Variants in GGNBP2 observed in about 807,000 individuals in gnomAD.
GGNBP2 encodes gametogenetin-binding protein 2.
In GGNBP2, 10 loss-of-function variants were observed where a neutral mutation model predicts 85.9. The ratio of observed to expected loss-of-function variants is 0.12; its 90% CI spans 0.07 to 0.20. The LOEUF is 0.20. Among genes scored for constraint, GGNBP2 ranks in the 10% least tolerant of loss-of-function variants. The pLI is 1.00. For missense variants in GGNBP2, 595 were observed against 857.8 expected, an observed-to-expected ratio of 0.69 and a Z score of 3.83; for synonymous variants, 287 against 285.7, an observed-to-expected ratio of 1.00 and a Z score of -0.05.
chr17:36,551,611 C>A (rs904366682), intron 2 of GGNBP2, among the ~76,000 whole-genome samples: 1 of 151,570 alleles, frequency 6.6e-6, no homozygotes, highest in Non-Finnish European at 1.5e-5. Flanking sequence ...TTGGAGGCCT[C>A]GGAGAGTGGA....
chr17:36,574,010 T>C (rs1472283458), intron 6 of GGNBP2, among the ~76,000 whole-genome samples: 1 of 150,706 alleles, frequency 6.6e-6, no homozygotes, highest in African/African-American at 2.4e-5. Flanking sequence ...ATATTCTGGC[T>C]ATTAACCCCT....
intron 10 of GGNBP2, 184 bp downstream of exon 10, chr17:36,585,634 G>T: frequency 3.3e-6 from 2 of 611,912 alleles, no homozygotes; most frequent in Non-Finnish European, 5.3e-6. Flanking sequence ...ACTTATTTTT[G>T]ACAAAAACGA....
At chr17:36,549,809 ACAT>A (rs1459391429) in intron 2 of GGNBP2, among the ~76,000 whole-genome samples, 1 of 152,212 alleles carries the variant, frequency 6.6e-6, no homozygotes, top group African/African-American at 2.4e-5. Flanking sequence ...AACTGTAAGA[ACAT>A]AAATAATGCA....
chr17:36,549,262 G>T (rs1452813699), intron 2 of GGNBP2, among the ~76,000 whole-genome samples: 2 of 152,108 alleles, frequency 1.3e-5, no homozygotes, highest in Non-Finnish European at 2.9e-5. Context: ...GAGTACAGTG[G>T]CCTGATCTTG....
At chr17:36,545,128 C>T (rs1267482581) in intron 1 of GGNBP2, 31 bp downstream of exon 1, 1 of 153,002 alleles carries the variant, frequency 6.5e-6, no homozygotes, top group African/African-American at 2.4e-5. Flanking sequence ...TCCCCGTTCC[C>T]TGGACTCCGC....
At chr17:36,570,414 T>C (rs1422608839) in intron 6 of GGNBP2, among the ~76,000 whole-genome samples, 3 of 151,636 alleles carry the variant, frequency 2.0e-5, no homozygotes, top group African/African-American at 7.3e-5. Flanking sequence ...AAAATAAAAT[T>C]AGCAGCTGGG....
intron 5 of GGNBP2, among the ~76,000 whole-genome samples, chr17:36,564,498 A>G (rs1355950363): frequency 2.0e-5 from 3 of 152,234 alleles, no homozygotes; most frequent in African/African-American, 7.2e-5. Context: ...CCTTCTAGCT[A>G]CAGTTCCACT....
intron 2 of GGNBP2, among the ~76,000 whole-genome samples, chr17:36,553,971 A>G (rs1488024342): frequency 6.6e-6 from 1 of 152,160 alleles, no homozygotes; most frequent in East Asian, 1.9e-4. Context: ...TGATAATTGA[A>G]TAAGTATATC....
intron 6 of GGNBP2, chr17:36,574,867 G>T: frequency 1.4e-6 from 1 of 714,850 alleles, no homozygotes; most frequent in Non-Finnish European, 2.5e-6. Flanking sequence ...TAGAGAGCTT[G>T]GCCAGGATGA....
intron 9 of GGNBP2, among the ~76,000 whole-genome samples, chr17:36,582,815 C>G (rs1233214071): frequency 6.6e-6 from 1 of 152,056 alleles, no homozygotes; most frequent in Non-Finnish European, 1.5e-5. Context: ...CTTAGGATCC[C>G]TTTACATTCT....
Position 36,554,851 on chromosome 17 carries a change from A to G in GGNBP2, c.125A>G (p.Asn42Ser). The G allele has an allele frequency of 6.2e-7, 1 of 1,610,240 alleles. No individual in the cohort carries two copies. Among genetic ancestry groups the G allele is most frequent in the Non-Finnish European group, 8.5e-7 (1 of 1,176,408 alleles). The change falls in exon 3 of 14, where the codon AAT (asparagine) becomes AGT (serine). Residue 42 changes from asparagine (N) to serine (S), a missense_variant. Around this residue, in one of 9 missense-constraint regions of GGNBP2, gnomAD observed 216 missense variants for 293.4 expected, o/e 0.74. Transcript: ENST00000613102. ...MVMEFPDNVL[N>S]LDGHQNNGAQ... is the part of the protein sequence containing the mutation. Reference sequence around the variant, plus strand: ...ATGGAATTTCCTGATAATGTGTTAAATCTCGATGGACATCAGAATAATGGT... The same window carrying G: ...ATGGAATTTCCTGATAATGTGTTAAGTCTCGATGGACATCAGAATAATGGT...
intron 2 of GGNBP2, among the ~76,000 whole-genome samples, chr17:36,548,615 CAAAAAAAAAAAAAAAAAAAAAAAA>C (rs71159614): frequency 8.4e-5 from 2 of 23,724 alleles, no homozygotes; most frequent in African/African-American, 1.3e-4. Flanking sequence ...GACTCTGTCT[CAAAAAAAAAAAAAAAAAAAAAAAA>C]AAAAAAAAAA....
intron 6 of GGNBP2, among the ~76,000 whole-genome samples, chr17:36,575,613 CATATATAT>C (rs776677029): frequency 1.1e-3 from 73 of 66,924 alleles, no homozygotes; most frequent in Non-Finnish European, 1.2e-3. Flanking sequence ...TCTAATGTAA[CATATATAT>C]ATATATATAT....
In GGNBP2 at chr17:36,549,153, A is replaced by G. The variant is rs550225878; in HGVS notation, c.93+3336A>G. ...AATGTTGTTCAGTGTTACTACAATT[A>G]TAAAATAACAGATAGAATACATATT... is the stretch of plus-strand genomic sequence containing the variant. On this transcript the variant is annotated intron_variant, in intron 2 of 13. Coordinates refer to ENST00000613102, the MANE Select transcript of GGNBP2 (RefSeq NM_024835.5). 3.2e-3 allele frequency among the ~76,000 whole-genome samples: 482 copies of G among 152,336 alleles called. 3 individuals carry two copies. Among genetic ancestry groups the G allele is most frequent in the Admixed American group, 0.01 (153 of 15,298 alleles).
At chr17:36,566,502 A>T (rs1440922644) in intron 5 of GGNBP2, among the ~76,000 whole-genome samples, 2 of 151,808 alleles carry the variant, frequency 1.3e-5, no homozygotes, top group Non-Finnish European at 2.9e-5. Flanking sequence ...GTCTCTACTT[A>T]AAAAATACAA....
intron 2 of GGNBP2, among the ~76,000 whole-genome samples, chr17:36,553,653 A>T (rs187939354): frequency 6.6e-6 from 1 of 152,314 alleles, no homozygotes; most frequent in Admixed American, 6.5e-5. Context: ...TTATGTGGCA[A>T]TGTGGAAATA....
At chr17:36,574,082 GAT>G (rs781364743) in intron 6 of GGNBP2, among the ~76,000 whole-genome samples, 4 of 151,952 alleles carry the variant, frequency 2.6e-5, no homozygotes, top group African/African-American at 2.4e-5. Context: ...TTACTCTGTT[GAT>G]CATCTTTGCT....
chr17:36,560,794 A>C lies in GGNBP2; in HGVS notation c.450A>C (p.Ile150=). The C allele has an allele frequency of 1.3e-6, 2 of 1,582,706 alleles. No individual in the cohort carries two copies. The highest frequency in any genetic ancestry group is 1.7e-6 in the Non-Finnish European group (2 of 1,159,586). The change falls in exon 5 of 14, where the codon ATA becomes ATC. Residue 150 remains isoleucine (I), a synonymous_variant. Transcript: ENST00000613102. ...TTAGGTCCAAACTAAATGACATGAT[A>C]GATGCTATTCCAAAAAGTAAGAAGA... ...YVHGSKLNDM[I]DAIPKSKKNK...
intron 6 of GGNBP2, among the ~76,000 whole-genome samples, chr17:36,573,839 T>G (rs1296558852): frequency 1.3e-5 from 2 of 152,168 alleles, no homozygotes; most frequent in Non-Finnish European, 2.9e-5. Context: ...TGGAGAAATG[T>G]CGATTCATGC....
Sources: allele counts gnomAD v4.1 joint callset (sites outside exome capture counted in the v4.1 genomes callset), GRCh38; gene constraint gnomAD v4.1.1; regional missense constraint gnomAD v4.1.1; transcripts MANE v1.5; gene names NCBI Gene and HGNC (gene_info 2026-07-23, HGNC 2026-07-21).